The following CRISPLD2 variants were observed in gnomAD, a reference collection of about 807,000 sequenced individuals.
CRISPLD2 encodes cysteine rich secretory protein LCCL domain containing 2, also known as cysteine-rich secretory protein LCCL domain-containing 2.
CRISPLD2 carries 47 observed loss-of-function variants against 71.1 expected under a neutral mutation model. The observed-to-expected ratio is 0.66, with a 90% confidence interval of 0.52 to 0.84. The LOEUF (loss-of-function observed/expected upper bound fraction) is 0.84, where lower values mean the gene tolerates loss of function less well. CRISPLD2 is among the 40% of genes least tolerant of loss of function. The pLI is 0.00. For synonymous variants in CRISPLD2, 317 were observed against 250.1 expected, an observed-to-expected ratio of 1.27 and a Z score of -2.52; for missense variants, 830 against 651.1, an observed-to-expected ratio of 1.27 and a Z score of -2.99.
chr16:84,829,881 C>T (rs950397001), intron 1 of CRISPLD2, among the ~76,000 whole-genome samples: 1 of 152,352 alleles, frequency 6.6e-6, no homozygotes, highest in South Asian at 2.1e-4. Context: ...GCCACGCCTG[C>T]GGCAGCCCCT....
intron 1 of CRISPLD2, among the ~76,000 whole-genome samples, chr16:84,829,704 G>A (rs1053549498): frequency 3.3e-5 from 5 of 152,230 alleles, no homozygotes; most frequent in African/African-American, 4.8e-5. Flanking sequence ...TGACCAGGGC[G>A]TAGTGAATGA....
At chr16:84,888,276 G>A (rs530359086) in intron 13 of CRISPLD2, among the ~76,000 whole-genome samples, 1 of 152,326 alleles carries the variant, frequency 6.6e-6, no homozygotes, top group Admixed American at 6.5e-5. Flanking sequence ...GCTCATGCCT[G>A]TCATCCCAGC....
At position 84,873,001 on chromosome 16, in the gene CRISPLD2, A is replaced by G. The variant is rs773822971; in HGVS notation, c.991A>G (p.Ile331Val). 4 of 1,612,976 alleles carry G rather than the reference A, an allele frequency of 2.5e-6. No individual in the cohort carries two copies. The highest frequency in any genetic ancestry group is 1.1e-5 in the South Asian group (1 of 90,904). ...CTTCCCTTCCCGCCAGTCGTCTAGCATATGCCGCGCCGCCATCCACTACGG... is the reference window on the plus strand; with the variant it reads ...CTTCCCTTCCCGCCAGTCGTCTAGCGTATGCCGCGCCGCCATCCACTACGG... ...GTLFYESSSS[I>V]CRAAIHYGIL... Residue 331 changes from isoleucine to valine, a missense_variant, in exon 10 of 15, where the codon ATA becomes GTA. By Grantham distance (29) the Ile-to-Val change is conservative. Coordinates refer to ENST00000262424, the MANE Select transcript of CRISPLD2 (RefSeq NM_031476.4).
chr16:84,850,388 C>T (rs984592698), intron 4 of CRISPLD2, among the ~76,000 whole-genome samples, 180 bp from the exon 5 acceptor site: 9 of 152,168 alleles, frequency 5.9e-5, no homozygotes, highest in African/African-American at 2.2e-4. Context: ...CGCACCGGCC[C>T]ACTTGCTTTG....
rs73255431 is a variant in CRISPLD2, at chr16:84,898,975, A to G, written c.1440-7613A>G. ...AACTGCAGTGAGTTGTGATTGCACC[A>G]TTGCACTCCTGGACTCAAGCAATCC... On this transcript the variant is annotated intron_variant, in intron 14 of 14. Transcript: ENST00000262424. 3.8e-3 allele frequency among the ~76,000 whole-genome samples: 581 copies of G among 152,110 alleles called. 2 individuals carry two copies. Among genetic ancestry groups the G allele is most frequent in the African/African-American group, 0.013 (545 of 41,452 alleles).
chr16:84,886,705 C>G (rs2071616696), intron 13 of CRISPLD2, among the ~76,000 whole-genome samples: 1 of 152,172 alleles, frequency 6.6e-6, no homozygotes, highest in Non-Finnish European at 1.5e-5. Flanking sequence ...TGCCTGCGAT[C>G]CCAGCTACTT....
chr16:84,896,765 ACT>A (rs2071710066), intron 14 of CRISPLD2, among the ~76,000 whole-genome samples: 1 of 152,168 alleles, frequency 6.6e-6, no homozygotes, highest in African/African-American at 2.4e-5. Context: ...ATGTATGTAC[ACT>A]CATACATATA....
At chr16:84,836,212 A>C (rs1194836908) in intron 1 of CRISPLD2, 1 of 152,186 alleles carries the variant, frequency 6.6e-6, no homozygotes, top group Non-Finnish European at 1.5e-5. Context: ...CATTATGTAC[A>C]TGCAAATCAG....
chr16:84,838,121 A>G (rs146897219), intron 1 of CRISPLD2, among the ~76,000 whole-genome samples: 1 of 152,202 alleles, frequency 6.6e-6, no homozygotes, highest in African/African-American at 2.4e-5. Context: ...AATGAATAAG[A>G]GATGCTGACT....
intron 5 of CRISPLD2, among the ~76,000 whole-genome samples, chr16:84,852,771 C>G (rs1362887185): frequency 6.6e-6 from 1 of 152,046 alleles, no homozygotes; most frequent in Non-Finnish European, 1.5e-5. Flanking sequence ...CGGTGCTATT[C>G]AAAAATTAAG....
At chr16:84,849,203 G>GAATT (rs903345837) in intron 3 of CRISPLD2, 182 bp from the exon 4 acceptor site, 1 of 593,336 alleles carries the variant, frequency 1.7e-6, no homozygotes, top group African/African-American at 1.8e-5. Flanking sequence ...GCTGCTCCTG[G>GAATT]AATTGGGGGC....
At chr16:84,860,077 C>A (rs531629492) in intron 6 of CRISPLD2, among the ~76,000 whole-genome samples, 7 of 64,946 alleles carry the variant, frequency 1.1e-4, no homozygotes, top group Non-Finnish European at 1.5e-4. Flanking sequence ...CCCAATCTCC[C>A]TAAGCCTTTG....
chr16:84,882,767 C>G (rs193112963), intron 13 of CRISPLD2, among the ~76,000 whole-genome samples: 2 of 152,192 alleles, frequency 1.3e-5, no homozygotes, highest in African/African-American at 2.4e-5. Context: ...AACACCGTCT[C>G]TAGGTATCGT....
rs200388957 is a variant in CRISPLD2, at chr16:84,849,544, A to G, written c.492+27A>G. ...TAACTCGGGGACTTGCCACGACCTC[A>G]GCCCTGCCCCCCAATCCCAGTCATT... On this transcript the variant is annotated intron_variant, in intron 4 of 14. Transcript: ENST00000262424. 233 of 1,608,330 alleles carry G rather than the reference A, an allele frequency of 1.4e-4. No individual in the cohort carries two copies. In the African/African-American group the frequency reaches 2.1e-3, roughly 14 times the overall value.
At chr16:84,863,906 G>A (rs193218368) in intron 6 of CRISPLD2, among the ~76,000 whole-genome samples, 3 of 135,120 alleles carry the variant, frequency 2.2e-5, no homozygotes, top group South Asian at 2.3e-4. Context: ...GCAGTGAGCC[G>A]AGATCACACC....
chr16:84,885,809 C>CTTATTTT (rs1187626543), intron 13 of CRISPLD2, among the ~76,000 whole-genome samples: 4 of 131,770 alleles, frequency 3.0e-5, no homozygotes, highest in African/African-American at 1.2e-4. Context: ...TGTTGGATCC[C>CTTATTTT]TTCTTTTTTT....
intron 1 of CRISPLD2, among the ~76,000 whole-genome samples, chr16:84,832,532 T>C (rs896808279): frequency 1.3e-5 from 2 of 152,280 alleles, no homozygotes; most frequent in Admixed American, 1.3e-4. Flanking sequence ...ACATCGACGC[T>C]TCGGCGGTGA....
chr16:84,863,861 G>A (rs570925331), intron 6 of CRISPLD2, among the ~76,000 whole-genome samples: 1 of 151,330 alleles, frequency 6.6e-6, no homozygotes, highest in Non-Finnish European at 1.5e-5. Context: ...CCAGGCTGAG[G>A]TAGGAGAATC....
rs1040518571 is a variant in CRISPLD2 at position 84,889,623 on chromosome 16, G to A, written c.1439+260G>A. On this transcript the variant is annotated intron_variant, in intron 14 of 14. Coordinates refer to ENST00000262424, the MANE Select transcript of CRISPLD2 (RefSeq NM_031476.4). ...ACTTTTTTTCCTATTACCAATGGAC[G>A]TTTTTGTAGAAAATTTATAATCTGT... 6.6e-5 allele frequency among the ~76,000 whole-genome samples: 10 copies of A among 151,618 alleles called. No homozygotes were observed. The East Asian group carries it at 7.7e-4, about 12-fold the overall frequency.
Sources: allele counts gnomAD v4.1 joint callset (sites outside exome capture counted in the v4.1 genomes callset), GRCh38; gene constraint gnomAD v4.1.1; transcripts MANE v1.5; gene names NCBI Gene and HGNC (gene_info 2026-07-23, HGNC 2026-07-21).